Variants in BIRC5 observed in about 807,000 individuals in gnomAD.
BIRC5 encodes baculoviral IAP repeat containing 5.
A neutral mutation model predicts 15.8 loss-of-function variants in BIRC5; 8 were observed. The observed-to-expected ratio is 0.51, with a 90% CI of 0.30 to 0.91. BIRC5 has a LOEUF of 0.91. Among genes scored for constraint, BIRC5 ranks in the 40% least tolerant of loss-of-function variants. BIRC5 has a pLI of 0.07. For synonymous variants in BIRC5, 56 were observed against 64.5 expected (o/e 0.87, Z 0.63); for missense variants, 163 against 178.6 (o/e 0.91, Z 0.50).
At chr17:78,222,029 C>T (rs1389280667) in intron 3 of BIRC5, among the ~76,000 whole-genome samples, 1 of 151,786 alleles carries the variant, frequency 6.6e-6, no homozygotes, top group Non-Finnish European at 1.5e-5. Flanking sequence ...CAGACCTCAT[C>T]TCTTCAAAAA....
At chr17:78,214,576 A>T in intron 1 of BIRC5, 104 bp from the exon 2 acceptor site, 2 of 1,281,428 alleles carry the variant, frequency 1.6e-6, no homozygotes, top group East Asian at 2.6e-5. Flanking sequence ...CCTTGGGTCC[A>T]GGCCGGCCTC....
Position 78,216,683 on chromosome 17 carries a change from TC to T in BIRC5, c.242del (p.Ser81CysfsTer16). On this transcript the variant is annotated frameshift_variant, in exon 3 of 4. Coordinates refer to ENST00000350051, the MANE Select transcript of BIRC5 (RefSeq NM_001168.3). LOFTEE classifies it high-confidence loss of function. ...TTCTAGAGAGGAACATAAAAAGCAT[TC>T]GTCCGGTTGCGCTTTCCTTTCTGTC... is the stretch of plus-strand genomic sequence containing the variant. Reference protein sequence around the residue: ...DDPIEEHKKHSSGCAFLSVKK... With the variant: ...DDPIEEHKKHXSGCAFLSVKK... 6.2e-7 allele frequency: 1 copy of T among 1,613,820 alleles called. No individual in the cohort carries two copies. The highest frequency in any genetic ancestry group is 2.2e-5 in the East Asian group (1 of 44,866).
Position 78,223,794 on chromosome 17 carries a change from T to G in BIRC5, c.*240T>G. ...GCTGCTTCTCTCTCTCTCTCTCTTT[T>G]TTGGGGGCTCATTTTTGCTGTTTTG... On this transcript the variant is annotated 3_prime_UTR_variant, in exon 4 of 4. Coordinates refer to ENST00000350051, the MANE Select transcript of BIRC5 (RefSeq NM_001168.3). The G allele has an allele frequency of 1.2e-6, 1 of 867,800 alleles. No homozygotes were observed. Among genetic ancestry groups the G allele is most frequent in the Non-Finnish European group, 1.6e-6 (1 of 610,082 alleles). The allele number at this position is 867,800 out of a possible 1,614,324, so 53.8% of individuals were successfully genotyped here.
rs2076544470 is a variant in BIRC5 at position 78,225,575 on chromosome 17, C to G, written c.*2021C>G. ...GCCAAACTGGAGCCCCCATTGCAGG[C>G]TGTCGCCATGTGGAAAGAGTAACTC... On this transcript the variant is annotated 3_prime_UTR_variant, in exon 4 of 4. Coordinates refer to ENST00000350051, the MANE Select transcript of BIRC5 (RefSeq NM_001168.3). 6.6e-6 allele frequency: 1 copy of G among 152,254 alleles called. No individual in the cohort carries two copies. The highest frequency in any genetic ancestry group is 2.1e-4 in the South Asian group (1 of 4,836). 9.4% of individuals were successfully genotyped at this position (152,254 alleles called of 1,614,324 possible).
At chr17:78,222,040 A>T (rs1407869926) in intron 3 of BIRC5, among the ~76,000 whole-genome samples, 3 of 152,010 alleles carry the variant, frequency 2.0e-5, no homozygotes, top group Non-Finnish European at 4.4e-5. Context: ...TCTTCAAAAA[A>T]TACACAAAAA....
intron 2 of BIRC5, 122 bp from the exon 3 acceptor site, chr17:78,216,542 C>T (rs1032793363): frequency 2.9e-5 from 22 of 767,514 alleles, no homozygotes; most frequent in African/African-American, 6.9e-5. Flanking sequence ...TCAGACTTGA[C>T]GTCTTACTCC....
At chr17:78,221,728 G>A (rs1407395044) in intron 3 of BIRC5, among the ~76,000 whole-genome samples, 3 of 152,204 alleles carry the variant, frequency 2.0e-5, no homozygotes, top group Non-Finnish European at 2.9e-5. Context: ...CCACATTGGG[G>A]TGGTTAAATT....
In BIRC5 at chr17:78,223,522, C is replaced by T. The variant is rs375947077; in HGVS notation, c.397C>T (p.Arg133Cys). 9.7e-5 allele frequency: 157 copies of T among 1,612,420 alleles called. No individual in the cohort carries two copies. Among genetic ancestry groups the T allele is most frequent in the South Asian group, 1.5e-4 (14 of 90,718 alleles). The change falls in exon 4 of 4, where the codon CGT (arginine) becomes TGT (cysteine). Residue 133 changes from arginine to cysteine, a missense_variant. Arg to Cys is a radical substitution (Grantham distance 180). Transcript: ENST00000350051. ...TGAGGAAACTGCGGAGAAAGTGCGC[C>T]GTGCCATCGAGCAGCTGGCTGCCAT... The part of the protein sequence containing the change: ...EFEETAEKVR[R>C]AIEQLAAMD
At position 78,214,701 on chromosome 17, in the gene BIRC5, C is replaced by A; in HGVS notation, c.133C>A (p.His45Asn). The part of the protein sequence containing the change: ...PERMAEAGFI[H>N]CPTENEPDLA... ...GCAGATGGCCGAGGCTGGCTTCATCCACTGCCCCACTGAGAACGAGCCAGA... is the reference window on the plus strand; with the variant it reads ...GCAGATGGCCGAGGCTGGCTTCATCAACTGCCCCACTGAGAACGAGCCAGA... Residue 45 changes from histidine to asparagine, a missense_variant, in exon 2 of 4, where the codon CAC (histidine) becomes AAC (asparagine). Transcript: ENST00000350051. The A allele has an allele frequency of 1.2e-6, 2 of 1,608,696 alleles. No homozygotes were observed. Among genetic ancestry groups the A allele is most frequent in the East Asian group, 2.2e-5 (1 of 44,570 alleles).
intron 2 of BIRC5, among the ~76,000 whole-genome samples, chr17:78,215,289 C>T (rs1180651227): frequency 1.3e-5 from 2 of 152,104 alleles, no homozygotes; most frequent in Non-Finnish European, 2.9e-5. Flanking sequence ...TGGTAGCGCA[C>T]GCCCGTAATC....
chr17:78,222,721 A>G (rs893154874), intron 3 of BIRC5: 1 of 1,417,072 alleles, frequency 7.1e-7, no homozygotes, highest in African/African-American at 1.5e-5. Context: ...ATTTAACCCA[A>G]TAAAGGTCTT....
At chr17:78,219,441 T>G (rs1189737840) in intron 3 of BIRC5, among the ~76,000 whole-genome samples, 1 of 152,186 alleles carries the variant, frequency 6.6e-6, no homozygotes, top group Non-Finnish European at 1.5e-5. Context: ...CGCCTTGGCA[T>G]CCCAAAGTGC....
chr17:78,217,343 T>C (rs531255540), intron 3 of BIRC5, among the ~76,000 whole-genome samples: 1 of 149,860 alleles, frequency 6.7e-6, no homozygotes, highest in South Asian at 2.1e-4. Flanking sequence ...ACCCAGGTAA[T>C]TTTTGTATTT....
At chr17:78,214,478 C>G (rs1216061341) in intron 1 of BIRC5, 51 bp downstream of exon 1, 1 of 1,460,400 alleles carries the variant, frequency 6.8e-7, no homozygotes, top group Non-Finnish European at 9.2e-7. Flanking sequence ...TGCCCTGTCC[C>G]TAGCGAGGCC....
Position 78,223,479 on chromosome 17 carries a change from C to T in BIRC5, c.354C>T (p.Asn118=). The change falls in exon 4 of 4, where the codon AAC becomes AAT. Residue 118 remains asparagine (N), a synonymous_variant. Coordinates refer to ENST00000350051, the MANE Select transcript of BIRC5 (RefSeq NM_001168.3). ...TTTATTTCCAGGCAAAGGAAACCAA[C>T]AATAAGAAGAAAGAATTTGAGGAAA... The part of the protein sequence containing the change: ...RAKNKIAKET[N]NKKKEFEETA... 6.2e-7 allele frequency: 1 copy of T among 1,600,074 alleles called. No homozygotes were observed. Among genetic ancestry groups the T allele is most frequent in the Non-Finnish European group, 8.5e-7 (1 of 1,172,626 alleles).
chr17:78,223,068 C>T, intron 3 of BIRC5: 1 of 1,310,862 alleles, frequency 7.6e-7, no homozygotes, highest in Non-Finnish European at 1.0e-6. Flanking sequence ...CCCAGACTAG[C>T]TGGGGTGCCT....
chr17:78,215,817 TG>T, intron 2 of BIRC5: 1 of 898,644 alleles, frequency 1.1e-6, no homozygotes, highest in Non-Finnish European at 1.4e-6. Context: ...GGACTTTGTG[TG>T]GCCATGTTTT....
chr17:78,220,192 G>T (rs962177084), intron 3 of BIRC5, among the ~76,000 whole-genome samples: 1 of 152,166 alleles, frequency 6.6e-6, no homozygotes, highest in Non-Finnish European at 1.5e-5. Context: ...ACTTTGGGAG[G>T]CCGAGGCGGG....
rs898351459 is a variant in BIRC5, at chr17:78,224,874, C to T, written c.*1320C>T. On this transcript the variant is annotated 3_prime_UTR_variant, in exon 4 of 4. Coordinates refer to ENST00000350051, the MANE Select transcript of BIRC5 (RefSeq NM_001168.3). The stretch of plus-strand genomic sequence containing the variant: ...GAACCCCAGACCTGTTTGTATCATC[C>T]GGGCTCCTTCCGGGCAGAAACAACT... 21 of 152,290 alleles carry T rather than the reference C, an allele frequency of 1.4e-4. 1 individual carries two copies. Among genetic ancestry groups the T allele is most frequent in the African/African-American group, 4.8e-4 (20 of 41,560 alleles). The allele number at this position is 152,290 out of a possible 1,614,324, so 9.4% of individuals were successfully genotyped here.
Sources: allele counts gnomAD v4.1 joint callset (sites outside exome capture counted in the v4.1 genomes callset), GRCh38; gene constraint gnomAD v4.1.1; transcripts MANE v1.5; gene names NCBI Gene and HGNC (gene_info 2026-07-23, HGNC 2026-07-21).